The following CNOT6 variants were observed in gnomAD, a reference collection of about 807,000 sequenced individuals.
The protein encoded by CNOT6 is carbon catabolite repression 4 protein.
A neutral mutation model predicts 61.2 loss-of-function variants in CNOT6; 12 were observed. The observed-to-expected ratio is 0.20, with a 90% CI of 0.13 to 0.32. The LOEUF is 0.32. CNOT6 is among the 10% of genes least tolerant of loss of function. The pLI, the probability that CNOT6 is intolerant of heterozygous loss-of-function variation, is 1.00. For synonymous variants in CNOT6, 225 were observed against 240.6 expected, an observed-to-expected ratio of 0.94 and a Z score of 0.60; for missense variants, 405 against 663.9, an observed-to-expected ratio of 0.61 and a Z score of 4.28.
intron 1 of CNOT6, among the ~76,000 whole-genome samples, chr5:180,514,673 C>T (rs2127706592): frequency 6.6e-6 from 1 of 152,270 alleles, no homozygotes; most frequent in South Asian, 2.1e-4. Flanking sequence ...TTTCCAGTTG[C>T]TTAAGCTGTA....
intron 4 of CNOT6, among the ~76,000 whole-genome samples, chr5:180,563,183 C>CA (rs1760270875): frequency 6.6e-6 from 1 of 152,050 alleles, no homozygotes; most frequent in Non-Finnish European, 1.5e-5. Flanking sequence ...TGTTTGCCAA[C>CA]CTCTTCTATT....
chr5:180,501,852 C>A (rs751741913), intron 1 of CNOT6, among the ~76,000 whole-genome samples: 1 of 152,096 alleles, frequency 6.6e-6, no homozygotes, highest in Non-Finnish European at 1.5e-5. Flanking sequence ...TTTCAGTAGT[C>A]ATCATTGTGC....
At chr5:180,546,303 CTT>C (rs745632105) in intron 2 of CNOT6, among the ~76,000 whole-genome samples, 40 of 152,112 alleles carry the variant, frequency 2.6e-4, no homozygotes, top group Non-Finnish European at 4.9e-4. Context: ...TCTTCACTCT[CTT>C]GTTTTGAAAT....
intron 1 of CNOT6, among the ~76,000 whole-genome samples, chr5:180,526,686 T>C (rs561803947): frequency 6.6e-6 from 1 of 152,296 alleles, no homozygotes; most frequent in African/African-American, 2.4e-5. Flanking sequence ...TCTCCAGCTA[T>C]GTTTAGCTGC....
At chr5:180,505,507 C>T (rs377034728) in intron 1 of CNOT6, among the ~76,000 whole-genome samples, 6 of 147,166 alleles carry the variant, frequency 4.1e-5, no homozygotes, top group African/African-American at 1.5e-4. Flanking sequence ...CCGCCCACCT[C>T]GGCCTCCCAA....
chr5:180,505,251 ATTTTTTT>A (rs70973919), intron 1 of CNOT6, among the ~76,000 whole-genome samples: 1 of 60,424 alleles, frequency 1.7e-5, no homozygotes, highest in Non-Finnish European at 3.0e-5. Context: ...GTAATAGTTA[ATTTTTTT>A]TTTTTTTTTT....
At chr5:180,529,860 G>T (rs1478121618) in intron 2 of CNOT6, among the ~76,000 whole-genome samples, 1 of 152,190 alleles carries the variant, frequency 6.6e-6, no homozygotes, top group Non-Finnish European at 1.5e-5. Flanking sequence ...CTGAGTCACT[G>T]AGGACAGCCT....
rs998497270 is a variant in CNOT6, at chr5:180,522,626, G to A, written c.-2-6649G>A. On this transcript the variant is annotated intron_variant, in intron 1 of 11. Coordinates refer to ENST00000261951, the MANE Select transcript of CNOT6 (RefSeq NM_001370472.1). Reference sequence around the variant, plus strand: ...GCATTTTTCTGTTTAGTTATGTGGAGCATTTTTTCATGTTTGTTGGCTGCT... The same window carrying A: ...GCATTTTTCTGTTTAGTTATGTGGAACATTTTTTCATGTTTGTTGGCTGCT... Among the ~76,000 whole-genome samples, 6 of 151,950 alleles carry A rather than the reference G, an allele frequency of 3.9e-5. No individual in the cohort carries two copies. The East Asian group carries it at 5.8e-4, about 15-fold the overall frequency.
chr5:180,529,197 CA>C (rs71591495), intron 1 of CNOT6, 77 bp from the exon 2 acceptor site: 71,218 of 561,832 alleles, frequency 0.13, 1 homozygote, highest in East Asian at 0.21. Flanking sequence ...GACTTCGTCT[CA>C]AAAAAAAAAA....
Position 180,575,551 on chromosome 5 carries a change from G to T in CNOT6, c.*1351G>T, listed in dbSNP as rs1760965805. The stretch of plus-strand genomic sequence containing the variant: ...TGAATTAGATGTATTTTCAAAACAG[G>T]TCCCTAAGACAATTCTTCAGATCAT... On this transcript the variant is annotated 3_prime_UTR_variant, in exon 12 of 12. Transcript: ENST00000261951. 1 of 152,330 alleles carries T rather than the reference G, an allele frequency of 6.6e-6. No individual in the cohort carries two copies. Among genetic ancestry groups the T allele is most frequent in the Non-Finnish European group, 1.5e-5 (1 of 68,002 alleles). The allele number at this position is 152,330 out of a possible 1,614,324, so 9.4% of individuals were successfully genotyped here.
At chr5:180,572,553 C>T (rs965338713) in intron 11 of CNOT6, among the ~76,000 whole-genome samples, 1 of 151,690 alleles carries the variant, frequency 6.6e-6, no homozygotes, top group Admixed American at 6.6e-5. Flanking sequence ...GTTCAACTGT[C>T]CTTTTTCTAA....
At chr5:180,533,120 T>C (rs1026872226) in intron 2 of CNOT6, among the ~76,000 whole-genome samples, 1 of 152,040 alleles carries the variant, frequency 6.6e-6, no homozygotes, top group East Asian at 1.9e-4. Context: ...GTAGCATTCC[T>C]TCTTCTAAGG....
chr5:180,522,054 C>A (rs572522558), intron 1 of CNOT6, among the ~76,000 whole-genome samples: 2 of 152,118 alleles, frequency 1.3e-5, no homozygotes, highest in African/African-American at 2.4e-5. Context: ...GGTATAGAAC[C>A]AGTAATGGAA....
intron 2 of CNOT6, 144 bp from the exon 3 acceptor site, chr5:180,549,783 ATAGG>A (rs1382953775): frequency 1.7e-6 from 1 of 592,006 alleles, no homozygotes; most frequent in Non-Finnish European, 3.0e-6. Flanking sequence ...GAATCGTAGA[ATAGG>A]TAAGATTTCC....
At chr5:180,545,558 C>CT (rs1253394654) in intron 2 of CNOT6, among the ~76,000 whole-genome samples, 1 of 152,052 alleles carries the variant, frequency 6.6e-6, no homozygotes, top group East Asian at 1.9e-4. Flanking sequence ...GTAGTTCATT[C>CT]TTTTTTATTA....
intron 3 of CNOT6, among the ~76,000 whole-genome samples, chr5:180,550,325 C>A (rs1759533503): frequency 6.6e-6 from 1 of 152,004 alleles, no homozygotes; most frequent in Admixed American, 6.6e-5. Context: ...GTGGCGGGCA[C>A]CTGTAGTCCC....
rs1445893606 is a variant in CNOT6 at position 180,541,440 on chromosome 5, AATTTTTT to A, written c.113-8490_113-8484del. 2.3e-4 allele frequency among the ~76,000 whole-genome samples: 24 copies of A among 102,928 alleles called. 1 individual carries two copies. The highest frequency in any genetic ancestry group is 6.7e-4 in the Admixed American group (6 of 8,964). The allele number at this position is 102,928 out of a possible 152,430, so 67.5% of individuals were successfully genotyped here. On this transcript the variant is annotated intron_variant, in intron 2 of 11. Coordinates refer to ENST00000261951, the MANE Select transcript of CNOT6 (RefSeq NM_001370472.1). ...CATGAACCACCACAACTGGCCAAGA[AATTTTTT>A]TTTTTTTTTTTTTTTTTTTTTTGAG...
At chr5:180,562,597 G>T (rs868339741) in intron 4 of CNOT6, among the ~76,000 whole-genome samples, 1 of 151,924 alleles carries the variant, frequency 6.6e-6, no homozygotes, top group Non-Finnish European at 1.5e-5. Context: ...AAAATTAGCC[G>T]GGCATGGTGG....
intron 1 of CNOT6, among the ~76,000 whole-genome samples, chr5:180,527,912 G>A (rs1031726928): frequency 2.6e-5 from 4 of 152,150 alleles, no homozygotes; most frequent in Admixed American, 6.5e-5. Flanking sequence ...TGTGAACTGC[G>A]CATGCGAGGG....
Sources: allele counts gnomAD v4.1 joint callset (sites outside exome capture counted in the v4.1 genomes callset), GRCh38; gene constraint gnomAD v4.1.1; transcripts MANE v1.5; gene names NCBI Gene and HGNC (gene_info 2026-07-23, HGNC 2026-07-21).